Variants in PCDHA10 observed in about 807,000 individuals in gnomAD.
PCDHA10 encodes protocadherin alpha-10.
Under a neutral mutation model 61.2 loss-of-function variants are expected in PCDHA10, and 45 were observed. The ratio of observed to expected loss-of-function variants is 0.74; its 90% confidence interval spans 0.58 to 0.94. The LOEUF (loss-of-function observed/expected upper bound fraction) is 0.94, where lower values mean the gene tolerates loss of function less well. Among genes scored for constraint, PCDHA10 ranks in the 40% least tolerant of loss-of-function variants. The pLI is 0.00. For missense variants in PCDHA10, 1,278 were observed against 1,236.2 expected (o/e 1.03, Z -0.51); for synonymous variants, 602 against 548.8 (o/e 1.10, Z -1.35).
chr5:140,915,049 G>A (rs141616466), intron 1 of PCDHA10, among the ~76,000 whole-genome samples: 6,100 of 150,756 alleles, frequency 0.04, 138 homozygotes, highest in Non-Finnish European at 0.052. Flanking sequence ...GGGTTCAAGC[G>A]ATTCTCCTGC....
Position 140,939,297 on chromosome 5 carries a change from T to C in PCDHA10, c.2389-39652T>C, listed in dbSNP as rs116782192. Among the ~76,000 whole-genome samples the C allele has an allele frequency of 5.4e-3, 827 of 152,242 alleles. 3 individuals are homozygous for C. The highest frequency in any genetic ancestry group is 0.019 in the African/African-American group (796 of 41,542). ...TGTGCCCTCGTGATCTAATCATCTC[T>C]ACAAAAGCCCTACCTCCTAATATCA... On this transcript the variant is annotated intron_variant, in intron 1 of 3. Coordinates refer to ENST00000307360, the MANE Select transcript of PCDHA10 (RefSeq NM_018901.4).
chr5:141,009,942 C>T lies in PCDHA10; in HGVS notation c.*5C>T, dbSNP rs782819309. The T allele has an allele frequency of 6.3e-7, 1 of 1,597,438 alleles. No individual in the cohort carries two copies. The highest frequency in any genetic ancestry group is 1.1e-5 in the South Asian group (1 of 87,840). ...ACTGACAACAGTGACCAGTGAGGTCCTCAAATGGAAACAAGCCACTTAGCC... is the reference window on the plus strand; with the variant it reads ...ACTGACAACAGTGACCAGTGAGGTCTTCAAATGGAAACAAGCCACTTAGCC... On this transcript the variant is annotated 3_prime_UTR_variant, in exon 4 of 4. Coordinates refer to ENST00000307360, the MANE Select transcript of PCDHA10 (RefSeq NM_018901.4).
intron 1 of PCDHA10, chr5:140,870,414 G>T: frequency 6.2e-7 from 1 of 1,614,230 alleles, no homozygotes; most frequent in Non-Finnish European, 8.5e-7. Context: ...TGTGGGCCAC[G>T]GCCAGGGTAT....
At chr5:140,922,386 T>G (rs1554200798) in intron 1 of PCDHA10, among the ~76,000 whole-genome samples, 1 of 152,194 alleles carries the variant, frequency 6.6e-6, no homozygotes, top group African/African-American at 2.4e-5. Context: ...AACCAAAGAC[T>G]CCTTGTTTTG....
intron 1 of PCDHA10, among the ~76,000 whole-genome samples, chr5:140,954,551 T>C (rs2095055563): frequency 6.6e-6 from 1 of 152,250 alleles, no homozygotes; most frequent in South Asian, 2.1e-4. Context: ...ATATGTTTGT[T>C]GGCTGCATGA....
At chr5:140,877,571 T>C in intron 1 of PCDHA10, 1 of 1,613,760 alleles carries the variant, frequency 6.2e-7, no homozygotes, top group African/African-American at 1.3e-5. Context: ...AACGTGTACC[T>C]CATCATCGCC....
chr5:140,952,743 C>T lies in PCDHA10; in HGVS notation c.2389-26206C>T, dbSNP rs146786879. Reference sequence around the variant, plus strand: ...TCTGTACTAGTCTTTTCTCACACTGCTATAAAAACACCTGAGACTGGATAA... The same window carrying T: ...TCTGTACTAGTCTTTTCTCACACTGTTATAAAAACACCTGAGACTGGATAA... On this transcript the variant is annotated intron_variant, in intron 1 of 3. Coordinates refer to ENST00000307360, the MANE Select transcript of PCDHA10 (RefSeq NM_018901.4). 8.6e-3 allele frequency among the ~76,000 whole-genome samples: 1,316 copies of T among 152,264 alleles called. 10 individuals are homozygous for T. Among genetic ancestry groups the T allele is most frequent in the Middle Eastern group, 0.014 (4 of 294 alleles).
chr5:140,927,748 G>A lies in PCDHA10; in HGVS notation c.2389-51201G>A, dbSNP rs782605586. Reference sequence around the variant, plus strand: ...AGCAGAGCTGCGACACCGCTTTCACGTGCACCCTAAAAGTGGGGAGGTGCA... The same window carrying A: ...AGCAGAGCTGCGACACCGCTTTCACATGCACCCTAAAAGTGGGGAGGTGCA... On this transcript the variant is annotated intron_variant, in intron 1 of 3. Transcript: ENST00000307360. 53 of 1,614,088 alleles carry A rather than the reference G, an allele frequency of 3.3e-5. No homozygotes were observed. The South Asian group carries it at 5.7e-4, about 17-fold the overall frequency.
rs782094851 is a variant in PCDHA10, at chr5:140,857,519, T to C, written c.1471T>C (p.Tyr491His). 175 of 1,597,972 alleles carry C rather than the reference T, an allele frequency of 1.1e-4. 14 individuals are homozygous for C. The highest frequency in any genetic ancestry group is 1.4e-4 in the Non-Finnish European group (163 of 1,167,816). The change falls in exon 1 of 4, where the codon TAC (tyrosine) becomes CAC (histidine). Residue 491 changes from tyrosine (Y) to histidine (H), a missense_variant. Physicochemically the swap from Tyr to His is moderately conservative, Grantham distance 83 (BLOSUM62 2). Coordinates refer to ENST00000307360, the MANE Select transcript of PCDHA10 (RefSeq NM_018901.4). ...CGCGCAGGAGAACGCCCTGGTGTCCTACTCTCTGGTGGAGCGGCGGTTGGG... is the reference window on the plus strand; with the variant it reads ...CGCGCAGGAGAACGCCCTGGTGTCCCACTCTCTGGTGGAGCGGCGGTTGGG... Reference protein sequence around the residue: ...ADAQENALVSYSLVERRLGER... With the variant: ...ADAQENALVSHSLVERRLGER...
chr5:140,855,950 C>G lies in PCDHA10; in HGVS notation c.-99C>G, dbSNP rs1468443604. 7.3e-7 allele frequency: 1 copy of G among 1,363,922 alleles called. No homozygotes were observed. Among genetic ancestry groups the G allele is most frequent in the Non-Finnish European group, 1.0e-6 (1 of 998,042 alleles). 84.5% of individuals were successfully genotyped at this position (1,363,922 alleles called of 1,614,324 possible). A position where few individuals can be genotyped will look rare whatever the true frequency, so the allele number is the denominator to read the frequency against. On this transcript the variant is annotated 5_prime_UTR_variant, in exon 1 of 4. Transcript: ENST00000307360. ...CGTCATTCTGAGATCTCAGCCATTT[C>G]GATAAAAAATAGATATAAGAAATAG...
At chr5:140,952,057 C>T (rs1214818651) in intron 1 of PCDHA10, among the ~76,000 whole-genome samples, 1 of 152,164 alleles carries the variant, frequency 6.6e-6, no homozygotes, top group Non-Finnish European at 1.5e-5. Flanking sequence ...AATCTTAAAG[C>T]TCCAAATAAT....
intron 1 of PCDHA10, among the ~76,000 whole-genome samples, chr5:140,941,214 C>CCTTCCTTTCTTT (rs1554214040): frequency 1.6e-5 from 2 of 122,412 alleles, no homozygotes; most frequent in Non-Finnish European, 3.4e-5. Flanking sequence ...TTTCTTTCTT[C>CCTTCCTTTCTTT]CTTTCTTTCT....
intron 1 of PCDHA10, chr5:140,884,763 CT>C (rs1206964755): frequency 1.9e-5 from 27 of 1,421,678 alleles, no homozygotes; most frequent in Non-Finnish European, 2.4e-5. Context: ...TTATTCTTTA[CT>C]TTAATTTTAA....
chr5:140,990,232 C>T (rs983376308), intron 3 of PCDHA10, among the ~76,000 whole-genome samples: 4 of 152,054 alleles, frequency 2.6e-5, no homozygotes, highest in Non-Finnish European at 4.4e-5. Flanking sequence ...TTGTAACTAG[C>T]GTTGTATTCC....
At chr5:140,899,193 G>T (rs2153463118) in intron 1 of PCDHA10, among the ~76,000 whole-genome samples, 1 of 151,990 alleles carries the variant, frequency 6.6e-6, no homozygotes, top group Middle Eastern at 3.4e-3. Context: ...TCCTTCTCCT[G>T]CCTAATTGCC....
rs2060245016 is a variant in PCDHA10 at position 140,884,536 on chromosome 5, G to C, written c.2388+26100G>C. 5 of 1,614,090 alleles carry C rather than the reference G, an allele frequency of 3.1e-6. No individual in the cohort carries two copies. In the East Asian group the frequency reaches 1.1e-4, roughly 36 times the overall value. ...GGTCGTACTCGCAGCAGAGGCGGCC[G>C]AGGGTGTGCTCTGGGGAGGGCCCGC... On this transcript the variant is annotated intron_variant, in intron 1 of 3. Transcript: ENST00000307360.
chr5:141,011,104 C>G lies in PCDHA10; in HGVS notation c.*1167C>G, dbSNP rs1396728499. The G allele has an allele frequency of 6.5e-6, 1 of 153,844 alleles. No homozygotes were observed. Among genetic ancestry groups the G allele is most frequent in the Non-Finnish European group, 1.5e-5 (1 of 68,020 alleles). The allele number at this position is 153,844 out of a possible 1,614,324, so 9.5% of individuals were successfully genotyped here. A position where few individuals can be genotyped will look rare whatever the true frequency, so the allele number is the denominator to read the frequency against. On this transcript the variant is annotated 3_prime_UTR_variant, in exon 4 of 4. Transcript: ENST00000307360. ...GATCTCTCTTTCTCTCTCTCTCTCT[C>G]TTTTCTAAGAAACAATTATGTGCAC... is the stretch of plus-strand genomic sequence containing the variant.
intron 1 of PCDHA10, chr5:140,870,265 C>G (rs782376161): frequency 6.2e-7 from 1 of 1,614,214 alleles, no homozygotes; most frequent in Non-Finnish European, 8.5e-7. Flanking sequence ...GACCTGCTCG[C>G]TGACGCCCCA....
chr5:140,927,516 C>G (rs782661477), intron 1 of PCDHA10: 22 of 1,614,066 alleles, frequency 1.4e-5, no homozygotes, highest in Non-Finnish European at 1.8e-5. Flanking sequence ...CTCGGGACGG[C>G]GGGCTACCTG....
Sources: gnomAD v4.1 joint callset for allele counts (sites outside exome capture counted in the v4.1 genomes callset) on GRCh38, gnomAD v4.1.1 for gene constraint, MANE v1.5 for transcripts, NCBI Gene and HGNC (gene_info 2026-07-23, HGNC 2026-07-21) for gene names.